The following DDHD1 variants were observed in gnomAD, a reference collection of about 807,000 sequenced individuals.
The protein encoded by DDHD1 is DDHD domain containing 1.
Under a neutral mutation model 96.4 loss-of-function variants are expected in DDHD1, and 49 were observed. The ratio of observed to expected loss-of-function variants is 0.51; its 90% confidence interval spans 0.40 to 0.64. The LOEUF (loss-of-function observed/expected upper bound fraction) is 0.64, where lower values mean the gene tolerates loss of function less well. Ranked by LOEUF, DDHD1 falls within the 30% of genes least tolerant of loss-of-function variation. DDHD1 has a pLI of 0.00. For synonymous variants in DDHD1, 442 were observed against 446.5 expected, an observed-to-expected ratio of 0.99 and a Z score of 0.13; for missense variants, 1,106 against 1,161.2, an observed-to-expected ratio of 0.95 and a Z score of 0.69.
intron 4 of DDHD1, among the ~76,000 whole-genome samples, chr14:53,089,423 G>A (rs1047544133): frequency 2.0e-5 from 3 of 152,028 alleles, no homozygotes; most frequent in African/African-American, 7.2e-5. Flanking sequence ...TATACTACAA[G>A]GCTACAGTAA....
At chr14:53,066,252 AGT>A (rs1884000107) in intron 6 of DDHD1, among the ~76,000 whole-genome samples, 1 of 152,086 alleles carries the variant, frequency 6.6e-6, no homozygotes, top group Non-Finnish European at 1.5e-5. Flanking sequence ...CCCAGGTTCA[AGT>A]GCTTCTCCTG....
At position 53,073,704 on chromosome 14, in the gene DDHD1, C is replaced by A. The variant is rs778309026; in HGVS notation, c.1396+37G>T. The stretch of plus-strand genomic sequence containing the variant: ...CTGCATTTATTTTGGTAAAAGTTTG[C>A]CATTGGCTAAATCATTCAATTTTTA... On this transcript the variant is annotated intron_variant, in intron 5 of 12. Coordinates refer to ENST00000673822, the MANE Select transcript of DDHD1 (RefSeq NM_001160148.2). The A allele has an allele frequency of 5.9e-6, 9 of 1,535,056 alleles. No homozygotes were observed. In the South Asian group the frequency reaches 7.4e-5, roughly 13 times the overall value.
At chr14:53,118,444 A>G (rs1888716421) in intron 1 of DDHD1, among the ~76,000 whole-genome samples, 1 of 152,222 alleles carries the variant, frequency 6.6e-6, no homozygotes, top group Non-Finnish European at 1.5e-5. Context: ...TAACAAGAAT[A>G]AACAGTGTAA....
intron 6 of DDHD1, among the ~76,000 whole-genome samples, chr14:53,070,587 T>C (rs1642179671): frequency 1.3e-5 from 2 of 152,278 alleles, no homozygotes; most frequent in African/African-American, 2.4e-5. Context: ...CATAAAAATA[T>C]TGGGGAGAAA....
At chr14:53,130,779 T>C (rs1053880023) in intron 1 of DDHD1, among the ~76,000 whole-genome samples, 1 of 152,206 alleles carries the variant, frequency 6.6e-6, no homozygotes, top group Admixed American at 6.5e-5. Context: ...ACTGTCCAAC[T>C]TGCCCGGCAG....
rs1284530965 is a variant in DDHD1, at chr14:53,041,399, C to A, written c.*5369G>T. On this transcript the variant is annotated 3_prime_UTR_variant, in exon 13 of 13. Coordinates refer to ENST00000673822, the MANE Select transcript of DDHD1 (RefSeq NM_001160148.2). The stretch of plus-strand genomic sequence containing the variant: ...GGGAATGCACATACATACACACACA[C>A]ACCAAAAAACAAAACAAAACACAAT... The A allele has an allele frequency of 6.6e-6, 1 of 152,120 alleles. No individual in the cohort carries two copies. 9.4% of individuals were successfully genotyped at this position (152,120 alleles called of 1,614,324 possible).
intron 1 of DDHD1, among the ~76,000 whole-genome samples, chr14:53,112,804 G>A (rs1019001527): frequency 2.0e-5 from 3 of 152,178 alleles, no homozygotes; most frequent in South Asian, 2.1e-4. Flanking sequence ...AATGGTAGAC[G>A]TTCTTCACAC....
At chr14:53,097,931 T>C (rs1271946047) in intron 2 of DDHD1, among the ~76,000 whole-genome samples, 1 of 151,986 alleles carries the variant, frequency 6.6e-6, no homozygotes, top group Non-Finnish European at 1.5e-5. Flanking sequence ...TAAACAGACA[T>C]GGTTCTTTCT....
In DDHD1 at chr14:53,121,358, TG is replaced by T. The variant is rs551597324; in HGVS notation, c.839-17503del. ...GGAGTGTAAATTAGTTCAACCATTG[TG>T]GAAGACGGTGTGGCAATTCCTCAAG... is the stretch of plus-strand genomic sequence containing the variant. On this transcript the variant is annotated intron_variant, in intron 1 of 12. Transcript: ENST00000673822. Among the ~76,000 whole-genome samples the T allele has an allele frequency of 5.3e-5, 8 of 152,352 alleles. No individual in the cohort carries two copies. The South Asian group carries it at 1.7e-3, about 32-fold the overall frequency.
At chr14:53,123,690 A>T (rs1361691231) in intron 1 of DDHD1, among the ~76,000 whole-genome samples, 1 of 152,212 alleles carries the variant, frequency 6.6e-6, no homozygotes, top group Non-Finnish European at 1.5e-5. Context: ...CATAAAGCTA[A>T]AACAAGCAAA....
At chr14:53,129,971 C>T (rs865817417) in intron 1 of DDHD1, among the ~76,000 whole-genome samples, 15 of 152,194 alleles carry the variant, frequency 9.9e-5, no homozygotes, top group South Asian at 2.1e-4. Context: ...AGTCTCTGCT[C>T]GCAATGCGAC....
chr14:53,146,991 A>G (rs1266944295), intron 1 of DDHD1, among the ~76,000 whole-genome samples: 1 of 151,906 alleles, frequency 6.6e-6, no homozygotes, highest in Non-Finnish European at 1.5e-5. Flanking sequence ...ACACTCACGA[A>G]AAAACAAAGG....
At chr14:53,086,304 C>A (rs1373256945) in intron 4 of DDHD1, among the ~76,000 whole-genome samples, 2 of 152,014 alleles carry the variant, frequency 1.3e-5, no homozygotes, top group Admixed American at 1.3e-4. Flanking sequence ...ACAGAGAACA[C>A]CACAAAGATA....
intron 7 of DDHD1, 33 bp from the exon 8 acceptor site, chr14:53,061,234 G>A (rs369104095): frequency 1.7e-5 from 27 of 1,550,012 alleles, no homozygotes; most frequent in East Asian, 1.4e-4. Context: ...ATACACACAC[G>A]TATTTATAAT....
At chr14:53,116,113 C>A (rs1888524003) in intron 1 of DDHD1, among the ~76,000 whole-genome samples, 1 of 152,040 alleles carries the variant, frequency 6.6e-6, no homozygotes, top group Admixed American at 6.6e-5. Context: ...CAACAAGGAT[C>A]AAAAAAGACA....
At position 53,036,790 on chromosome 14, in the gene DDHD1, T is replaced by C. The variant is rs1566496582; in HGVS notation, c.*9978A>G. 1 of 152,136 alleles carries C rather than the reference T, an allele frequency of 6.6e-6. No individual in the cohort carries two copies. Among genetic ancestry groups the C allele is most frequent in the Non-Finnish European group, 1.5e-5 (1 of 68,024 alleles). The allele number at this position is 152,136 out of a possible 1,614,324, so 9.4% of individuals were successfully genotyped here. A position where few individuals can be genotyped will look rare whatever the true frequency, so the allele number is the denominator to read the frequency against. On this transcript the variant is annotated 3_prime_UTR_variant, in exon 13 of 13. Transcript: ENST00000673822. ...GTTTTTTAATAAAAAATATTTCAAC[T>C]TTTCATTTAGAAACAGTGGGTAAAT...
chr14:53,054,466 A>C lies in DDHD1; in HGVS notation c.2409T>G (p.His803Gln), dbSNP rs778770755. The C allele has an allele frequency of 6.2e-7, 1 of 1,614,098 alleles. No homozygotes were observed. The highest frequency in any genetic ancestry group is 8.5e-7 in the Non-Finnish European group (1 of 1,179,964). Residue 803 changes from histidine (H) to glutamine (Q), a missense_variant, in exon 11 of 13, where the codon CAT becomes CAG. Physicochemically the swap from His to Gln is conservative, Grantham distance 24 (BLOSUM62 0). Around this residue, in one of 2 missense-constraint regions of DDHD1, gnomAD observed 650 missense variants for 758.8 expected, o/e 0.86. Transcript: ENST00000673822. ...ATTVGTQTLP[H>Q]SSSGFLDSAY... The stretch of plus-strand genomic sequence containing the variant: ...CAGAATCGAGGAAGCCAGAACTGCT[A>C]TGTGGAAGGGTCTGTGTCCCTACGG...
At chr14:53,109,479 T>C (rs558771795) in intron 1 of DDHD1, among the ~76,000 whole-genome samples, 6 of 152,314 alleles carry the variant, frequency 3.9e-5, no homozygotes, top group South Asian at 2.1e-4. Flanking sequence ...ACAGGAACCA[T>C]TGTAATGTGC....
intron 1 of DDHD1, among the ~76,000 whole-genome samples, chr14:53,115,155 G>C (rs552006779): frequency 6.6e-6 from 1 of 152,200 alleles, no homozygotes; most frequent in East Asian, 1.9e-4. Flanking sequence ...CTGAAACAAG[G>C]CATGAAGAAA....
Sources: gnomAD v4.1 joint callset for allele counts (sites outside exome capture counted in the v4.1 genomes callset) on GRCh38, gnomAD v4.1.1 for gene constraint, gnomAD v4.1.1 regional missense constraint, MANE v1.5 for transcripts, NCBI Gene and HGNC (gene_info 2026-07-23, HGNC 2026-07-21) for gene names.